The following INPP5B variants were observed in gnomAD, a reference collection of about 807,000 sequenced individuals.
INPP5B encodes inositol polyphosphate-5-phosphatase B, also known as type II inositol 1,4,5-trisphosphate 5-phosphatase.
INPP5B carries 90 observed loss-of-function variants against 118.5 expected under a neutral mutation model. The observed-to-expected ratio is 0.76, with a 90% confidence interval of 0.64 to 0.90. The LOEUF (loss-of-function observed/expected upper bound fraction) is 0.90. INPP5B is among the 40% of genes least tolerant of loss of function. The pLI is 0.00. For missense variants in INPP5B, 984 were observed against 1,125.6 expected, an observed-to-expected ratio of 0.87 and a Z score of 1.80; for synonymous variants, 385 against 418.9, an observed-to-expected ratio of 0.92 and a Z score of 0.99.
At chr1:37,891,210 A>C in intron 8 of INPP5B, 148 bp downstream of exon 8, 1 of 533,518 alleles carries the variant, frequency 1.9e-6, no homozygotes, top group South Asian at 2.7e-5. Context: ...CTGGGCAGTA[A>C]GAGCGAAACT....
intron 7 of INPP5B, among the ~76,000 whole-genome samples, chr1:37,901,889 C>T (rs1363233907): frequency 6.6e-6 from 1 of 152,064 alleles, no homozygotes. Context: ...TTTTTTTAAC[C>T]TCAGACCTCC....
chr1:37,928,027 T>C lies in INPP5B; in HGVS notation c.532+3886A>G, dbSNP rs1570344835. ...ATGCCTGGGCCTCAAAGGTGCTCTATGCCCTTGGCTCACGCTACAAGGAAC... is the reference window on the plus strand; with the variant it reads ...ATGCCTGGGCCTCAAAGGTGCTCTACGCCCTTGGCTCACGCTACAAGGAAC... On this transcript the variant is annotated intron_variant, in intron 7 of 23. Transcript: ENST00000373024. Among the ~76,000 whole-genome samples the C allele has an allele frequency of 2.6e-5, 4 of 152,318 alleles. No homozygotes were observed. In the Middle Eastern group the frequency reaches 0.01, roughly 389 times the overall value.
intron 7 of INPP5B, among the ~76,000 whole-genome samples, chr1:37,893,961 AGAG>A (rs1643923603): frequency 6.6e-6 from 1 of 152,230 alleles, no homozygotes; most frequent in South Asian, 2.1e-4. Context: ...AAAGGGCCAC[AGAG>A]TAAATATCCT....
Position 37,875,690 on chromosome 1 carries a change from G to A in INPP5B, c.1704C>T (p.Tyr568=). The A allele has an allele frequency of 6.2e-7, 1 of 1,614,050 alleles. No individual in the cohort carries two copies. The highest frequency in any genetic ancestry group is 8.5e-7 in the Non-Finnish European group (1 of 1,179,934). The stretch of plus-strand genomic sequence containing the variant: ...GAACAATTTCCTCCAGTGTCTTCCG[G>A]TAAAGCTCGTCATTTACGACCCTCA... ...IGVRVVNDEL[Y]RKTLEEIVRS... The change falls in exon 17 of 24, where the codon TAC becomes TAT. Residue 568 remains tyrosine, a synonymous_variant. Coordinates refer to ENST00000373024, the MANE Select transcript of INPP5B (RefSeq NM_005540.3).
chr1:37,917,697 C>A (rs966078466), intron 7 of INPP5B, among the ~76,000 whole-genome samples: 1 of 152,004 alleles, frequency 6.6e-6, no homozygotes, highest in South Asian at 2.1e-4. Context: ...TGGGAGTTCA[C>A]GATGGGAGGA....
rs1018438564 is a variant in INPP5B at position 37,919,299 on chromosome 1, C to T, written c.532+12614G>A. Reference sequence around the variant, plus strand: ...TATTAGGTCTAGGAGGAGGTGTCCCCTCCTATCTTCTCAGTCACCAGCCTT... The same window carrying T: ...TATTAGGTCTAGGAGGAGGTGTCCCTTCCTATCTTCTCAGTCACCAGCCTT... On this transcript the variant is annotated intron_variant, in intron 7 of 23. Coordinates refer to ENST00000373024, the MANE Select transcript of INPP5B (RefSeq NM_005540.3). Among the ~76,000 whole-genome samples the T allele has an allele frequency of 4.6e-5, 7 of 152,240 alleles. 1 individual carries two copies. Among genetic ancestry groups the T allele is most frequent in the Admixed American group, 3.3e-4 (5 of 15,264 alleles).
intron 17 of INPP5B, among the ~76,000 whole-genome samples, chr1:37,875,344 C>A (rs1270585688): frequency 1.3e-5 from 2 of 152,174 alleles, no homozygotes; most frequent in Non-Finnish European, 2.9e-5. Flanking sequence ...TCTCGGCTCA[C>A]TGCAAGCTCC....
intron 12 of INPP5B, 73 bp from the exon 13 acceptor site, chr1:37,885,898 G>A (rs1643500615): frequency 7.1e-7 from 1 of 1,417,682 alleles, no homozygotes; most frequent in Non-Finnish European, 9.9e-7. Context: ...CAAACTTTCT[G>A]GCCGGGCACG....
In INPP5B at chr1:37,876,736, T is replaced by C. The variant is rs1021009069; in HGVS notation, c.1678-1020A>G. On this transcript the variant is annotated intron_variant, in intron 16 of 23. Transcript: ENST00000373024. ...AAAAAAAAAAAAACCATTAGCCGGG[T>C]GTGGTGGCGGGCGCCTGCCTGTAGT... is the stretch of plus-strand genomic sequence containing the variant. Among the ~76,000 whole-genome samples the C allele has an allele frequency of 1.2e-4, 13 of 112,782 alleles. No homozygotes were observed. In the Admixed American group the frequency reaches 1.3e-3, roughly 11 times the overall value. 74.0% of individuals were successfully genotyped at this position (112,782 alleles called of 152,430 possible). A position where few individuals can be genotyped will look rare whatever the true frequency, so the allele number is the denominator to read the frequency against.
intron 18 of INPP5B, 102 bp from the exon 19 acceptor site, chr1:37,873,267 G>A: frequency 1.3e-6 from 1 of 789,904 alleles, no homozygotes; most frequent in Non-Finnish European, 2.1e-6. Context: ...GTTAGGAAAA[G>A]GAAAGAAAAG....
chr1:37,883,311 GTGTATAC>G (rs1427308838), intron 13 of INPP5B: 1 of 985,310 alleles, frequency 1.0e-6, no homozygotes, highest in Admixed American at 6.1e-5. Flanking sequence ...CTCTGCCTCT[GTGTATAC>G]TGCAACCCAC....
intron 19 of INPP5B, among the ~76,000 whole-genome samples, chr1:37,869,675 T>G (rs1412654339): frequency 6.7e-6 from 1 of 149,562 alleles, no homozygotes; most frequent in African/African-American, 2.5e-5. Flanking sequence ...AGACGGGGGG[T>G]TTCACCATCT....
In INPP5B at chr1:37,869,241, C is replaced by T. The variant is rs548933151; in HGVS notation, c.2188-627G>A. On this transcript the variant is annotated intron_variant, in intron 19 of 23. Coordinates refer to ENST00000373024, the MANE Select transcript of INPP5B (RefSeq NM_005540.3). ...CTCCTGAGCTCAAGCAATCCACCCA[C>T]CTCGGCCTCCCAAAGTGCTAGGATT... 2.0e-5 allele frequency among the ~76,000 whole-genome samples: 3 copies of T among 151,992 alleles called. No homozygotes were observed. The South Asian group carries it at 6.2e-4, about 32-fold the overall frequency.
chr1:37,891,301 G>A, intron 8 of INPP5B, 57 bp downstream of exon 8: 1 of 1,260,196 alleles, frequency 7.9e-7, no homozygotes, highest in Non-Finnish European at 1.2e-6. Context: ...AATGGTCTCA[G>A]TACTGTGAGG....
chr1:37,887,095 T>C, intron 11 of INPP5B, 91 bp from the exon 12 acceptor site: 1 of 1,021,352 alleles, frequency 9.8e-7, no homozygotes, highest in East Asian at 2.4e-5. Context: ...CTGAGAGTAT[T>C]CACGTGTCTC....
At chr1:37,878,536 AC>A (rs1437074511) in intron 15 of INPP5B, 2 of 977,594 alleles carry the variant, frequency 2.0e-6, no homozygotes, top group African/African-American at 3.5e-5. Context: ...CAAAGCCAAA[AC>A]AGAGTTCAGA....
intron 4 of INPP5B, 52 bp from the exon 5 acceptor site, chr1:37,943,721 GCC>G (rs746875819): frequency 6.2e-7 from 1 of 1,612,322 alleles, no homozygotes; most frequent in Non-Finnish European, 8.5e-7. Flanking sequence ...ACTCCCCCTT[GCC>G]CCCCCATCAA....
At chr1:37,885,966 T>G in intron 12 of INPP5B, 141 bp from the exon 13 acceptor site, 2 of 665,964 alleles carry the variant, frequency 3.0e-6, no homozygotes, top group Non-Finnish European at 5.2e-6. Context: ...GATCATGAGG[T>G]CAGGAGTTCA....
chr1:37,873,885 G>T, intron 18 of INPP5B, 108 bp downstream of exon 18: 1 of 782,648 alleles, frequency 1.3e-6, no homozygotes, highest in Non-Finnish European at 1.8e-6. Flanking sequence ...AAAGCCTCAA[G>T]CAGAGAATAA....
Sources: gnomAD v4.1 joint callset for allele counts (sites outside exome capture counted in the v4.1 genomes callset) on GRCh38, gnomAD v4.1.1 for gene constraint, MANE v1.5 for transcripts, NCBI Gene and HGNC (gene_info 2026-07-23, HGNC 2026-07-21) for gene names.